The following DYSF variants were observed in gnomAD, a reference collection of about 807,000 sequenced individuals.
DYSF encodes dysferlin.
Under a neutral mutation model 274.9 loss-of-function variants are expected in DYSF, and 212 were observed. That is an observed-to-expected ratio of 0.77 (90% CI 0.69 to 0.86). DYSF has a LOEUF of 0.86. Among genes scored for constraint, DYSF ranks in the 40% least tolerant of loss-of-function variants. The probability of loss-of-function intolerance (pLI) is 0.00; values close to 1 mark genes in which losing one functional copy is unlikely to be tolerated. For missense variants in DYSF, 2,666 were observed against 2,783.2 expected (o/e 0.96, Z 0.95); for synonymous variants, 1,091 against 1,078.7 (o/e 1.01, Z -0.22).
intron 16 of DYSF, among the ~76,000 whole-genome samples, chr2:71,536,985 C>CA (rs2089409184): frequency 6.6e-6 from 1 of 151,936 alleles, no homozygotes; most frequent in Non-Finnish European, 1.5e-5. Context: ...ACAACAACAA[C>CA]AAAAAAACCC....
upstream of DYSF, among the ~76,000 whole-genome samples, chr2:71,464,343 A>G (rs1275532179): frequency 1.3e-5 from 2 of 152,266 alleles, no homozygotes; most frequent in Non-Finnish European, 2.9e-5. Flanking sequence ...TGGAGCAGAC[A>G]TTCTGATGGG....
At chr2:71,499,361 C>G (rs1166974279) in intron 3 of DYSF, among the ~76,000 whole-genome samples, 8 of 152,218 alleles carry the variant, frequency 5.3e-5, no homozygotes, top group Non-Finnish European at 1.2e-4. Flanking sequence ...ATGTACTGTA[C>G]TTTATTTACC....
intron 51 of DYSF, 59 bp from the exon 52 acceptor site, chr2:71,674,138 A>C (rs985643358): frequency 6.6e-7 from 1 of 1,514,750 alleles, no homozygotes; most frequent in Non-Finnish European, 9.2e-7. Flanking sequence ...CTGGAAGGGA[A>C]CACTGCCTCT....
chr2:71,523,836 C>T (rs1222816908), intron 12 of DYSF, among the ~76,000 whole-genome samples: 3 of 152,156 alleles, frequency 2.0e-5, no homozygotes, highest in South Asian at 2.1e-4. Context: ...TGAGCCACTG[C>T]GCCTGGCCGC....
chr2:71,557,905 G>A (rs1410075899), intron 22 of DYSF, among the ~76,000 whole-genome samples: 1 of 151,956 alleles, frequency 6.6e-6, no homozygotes, highest in Non-Finnish European at 1.5e-5. Context: ...GGTGGCGGGT[G>A]CCTGTAATCC....
chr2:71,574,518 G>A (rs1371068594), intron 30 of DYSF, 147 bp downstream of exon 30: 4 of 1,002,968 alleles, frequency 4.0e-6, no homozygotes, highest in Non-Finnish European at 5.7e-6. Flanking sequence ...CAGTACCTGT[G>A]GGGTGGCATG....
chr2:71,503,206 C>T lies in DYSF; in HGVS notation c.240-8C>T. On this transcript the variant is annotated splice_polypyrimidine_tract_variant and splice_region_variant and intron_variant, in intron 3 of 55. Transcript: ENST00000410020. ...AGTTTTCTACATTTGACTTCTCTCT[C>T]CTCTCAGGTTCCTGGGGGAAGCCAA... 6.2e-7 allele frequency: 1 copy of T among 1,613,624 alleles called. No individual in the cohort carries two copies.
At chr2:71,624,479 C>T (rs997641763) in intron 41 of DYSF, among the ~76,000 whole-genome samples, 1 of 152,134 alleles carries the variant, frequency 6.6e-6, no homozygotes, top group African/African-American at 2.4e-5. Flanking sequence ...AGGTGTACTT[C>T]TACTTTCTGT....
At position 71,660,848 on chromosome 2, in the gene DYSF, C is replaced by T. The variant is rs75750524; in HGVS notation, c.5003+197C>T. On this transcript the variant is annotated intron_variant, in intron 45 of 55. Transcript: ENST00000410020. ...GCTAAAGACTTGATCCCAACAGAAG[C>T]TCCTAGTTAAATGCTAAACAATTAC... 0.012 allele frequency among the ~76,000 whole-genome samples: 1,812 copies of T among 152,242 alleles called. 16 individuals carry two copies. Among genetic ancestry groups the T allele is most frequent in the Middle Eastern group, 0.054 (16 of 294 alleles).
intron 41 of DYSF, among the ~76,000 whole-genome samples, chr2:71,623,672 T>A (rs79926242): frequency 0.02 from 3,056 of 152,128 alleles, 40 homozygotes; most frequent in Middle Eastern, 0.041. Context: ...AACTTAACGA[T>A]ACTTGCAAAA....
chr2:71,646,425 A>G (rs1269053200), intron 42 of DYSF, among the ~76,000 whole-genome samples: 1 of 152,212 alleles, frequency 6.6e-6, no homozygotes, highest in East Asian at 1.9e-4. Flanking sequence ...AGGCTGTCCA[A>G]AGCAAAATGC....
intron 51 of DYSF, among the ~76,000 whole-genome samples, chr2:71,672,589 G>A (rs1022551836): frequency 1.3e-4 from 20 of 152,136 alleles, no homozygotes; most frequent in African/African-American, 2.2e-4. Context: ...TAGTAAAAGC[G>A]CCCAGGCCAG....
chr2:71,531,002 G>A (rs752225504), intron 14 of DYSF, among the ~76,000 whole-genome samples: 2 of 151,902 alleles, frequency 1.3e-5, no homozygotes, highest in Admixed American at 6.6e-5. Context: ...GAGTGTGTGC[G>A]ACTGTGCACT....
At chr2:71,548,783 C>T (rs563381651) in intron 17 of DYSF, among the ~76,000 whole-genome samples, 253 of 152,146 alleles carry the variant, frequency 1.7e-3, no homozygotes, top group Non-Finnish European at 3.1e-3. Flanking sequence ...GTTGTGAAAA[C>T]GCAACGTGGA....
chr2:71,534,951 C>T, intron 14 of DYSF, 70 bp from the exon 15 acceptor site: 7 of 1,536,766 alleles, frequency 4.6e-6, no homozygotes, highest in Non-Finnish European at 6.3e-6. Context: ...CACTGGCTGG[C>T]ATGTGGCCCC....
rs147072852 is a variant in DYSF, at chr2:71,619,358, G to A, written c.4465-1189G>A. On this transcript the variant is annotated intron_variant, in intron 40 of 55. Transcript: ENST00000410020. Reference sequence around the variant, plus strand: ...CCCAAGGCTGATTCTGCCCTCCTGCGTATGCTTCTGGCTCTGAACAGCCCT... The same window carrying A: ...CCCAAGGCTGATTCTGCCCTCCTGCATATGCTTCTGGCTCTGAACAGCCCT... 2.9e-3 allele frequency among the ~76,000 whole-genome samples: 442 copies of A among 152,180 alleles called. 3 individuals carry two copies. Among genetic ancestry groups the A allele is most frequent in the Middle Eastern group, 3.4e-3 (1 of 294 alleles).
rs759412160 is a variant in DYSF, at chr2:71,567,955, C to T, written c.2570C>T (p.Pro857Leu). ...GKLQTIFLKY[P>L]MEKVPGARMP... ...CTGTCCTTCTCTGGTACCCAGTATCCGATGGAGAAGGTGCCTGGCGCCCGG... is the reference window on the plus strand; with the variant it reads ...CTGTCCTTCTCTGGTACCCAGTATCTGATGGAGAAGGTGCCTGGCGCCCGG... The change falls in exon 25 of 56, where the codon CCG becomes CTG. Residue 857 changes from proline (P) to leucine (L), a missense_variant. Physicochemically the swap from Pro to Leu is moderately conservative, Grantham distance 98. Coordinates refer to ENST00000410020, the MANE Select transcript of DYSF (RefSeq NM_001130987.2). 1.3e-5 allele frequency: 21 copies of T among 1,613,902 alleles called. No homozygotes were observed. The highest frequency in any genetic ancestry group is 6.7e-5 in the East Asian group (3 of 44,884).
At chr2:71,669,056 G>T (rs1682702156) in intron 49 of DYSF, 56 bp from the exon 50 acceptor site, 5 of 1,483,378 alleles carry the variant, frequency 3.4e-6, no homozygotes, top group Middle Eastern at 1.7e-4. Flanking sequence ...GCTTCTTAAG[G>T]CCTTCCCATC....
rs961305900 is a variant in DYSF, at chr2:71,662,791, G to A, written c.5004-1477G>A. 6.7e-5 allele frequency among the ~76,000 whole-genome samples: 10 copies of A among 149,714 alleles called. No homozygotes were observed. In the South Asian group the frequency reaches 2.1e-3, roughly 31 times the overall value. On this transcript the variant is annotated intron_variant, in intron 45 of 55. Coordinates refer to ENST00000410020, the MANE Select transcript of DYSF (RefSeq NM_001130987.2). ...TGTATGTGTGTGTGTATGTGTGTTT[G>A]TGTCTGTGTGTCTGTGTGTGGTGTG...
Sources: allele counts gnomAD v4.1 joint callset (sites outside exome capture counted in the v4.1 genomes callset), GRCh38; gene constraint gnomAD v4.1.1; transcripts MANE v1.5; gene names NCBI Gene and HGNC (gene_info 2026-07-23, HGNC 2026-07-21).